ZP2: variants seen among roughly 807,000 people sequenced by gnomAD.
ZP2 encodes zona pellucida glycoprotein 2, also known as zona pellucida sperm-binding protein 2.
ZP2 carries 51 observed loss-of-function variants against 84.0 expected under a neutral mutation model. The ratio of observed to expected loss-of-function variants is 0.61; its 90% CI spans 0.49 to 0.77. ZP2 has a LOEUF of 0.77. Among genes scored for constraint, ZP2 ranks in the 30% least tolerant of loss-of-function variants. The pLI, the probability that ZP2 is intolerant of heterozygous loss-of-function variation, is 0.00. For missense variants in ZP2, 909 were observed against 911.9 expected (o/e 1.00, Z 0.04); for synonymous variants, 375 against 330.9 (o/e 1.13, Z -1.45).
rs1281921856 is a variant in ZP2 at position 21,204,222 on chromosome 16, TG to T, written c.791-12del. On this transcript the variant is annotated splice_polypyrimidine_tract_variant and intron_variant, in intron 8 of 18. Transcript: ENST00000574091. ...TGCAGGTCACAGGATCTAGAAGGAA[TG>T]ACAACAGAATGCCCATTACCAGCCT... 1.2e-6 allele frequency: 2 copies of T among 1,613,946 alleles called. No individual in the cohort carries two copies. Among genetic ancestry groups the T allele is most frequent in the Middle Eastern group, 1.6e-4 (1 of 6,084 alleles).
intron 14 of ZP2, among the ~76,000 whole-genome samples, chr16:21,201,000 A>C (rs943382406): frequency 6.6e-6 from 1 of 152,156 alleles, no homozygotes; most frequent in Non-Finnish European, 1.5e-5. Context: ...GGAGTTCGAG[A>C]CCAGCCTGGC....
chr16:21,202,312 A>G, intron 10 of ZP2, 21 bp from the exon 11 acceptor site: 2 of 1,487,704 alleles, frequency 1.3e-6, no homozygotes, highest in South Asian at 1.5e-5. Flanking sequence ...GTGAAAGTTT[A>G]GAGAAAATAA....
In ZP2 at chr16:21,203,939, C is replaced by T. The variant is rs149327452; in HGVS notation, c.972+91G>A. ...CTGTTATGTTGGCAATTAGAGCTCA[C>T]GGGCAAGTTATCAGCCGTATGAGGA... On this transcript the variant is annotated intron_variant, in intron 9 of 18. Transcript: ENST00000574091. 1,037 of 1,431,100 alleles carry T rather than the reference C, an allele frequency of 7.2e-4. 2 individuals carry two copies. In the African/African-American group the frequency reaches 1.0e-2, roughly 14 times the overall value. The allele number at this position is 1,431,100 out of a possible 1,614,324, so 88.7% of individuals were successfully genotyped here. A position where few individuals can be genotyped will look rare whatever the true frequency, so the allele number is the denominator to read the frequency against.
chr16:21,202,911 G>A (rs940852248), intron 10 of ZP2, among the ~76,000 whole-genome samples: 1 of 152,086 alleles, frequency 6.6e-6, no homozygotes, highest in Non-Finnish European at 1.5e-5. Context: ...TTTAACCATG[G>A]AGCAGTTGCC....
At chr16:21,209,781 C>T in intron 3 of ZP2, 56 bp from the exon 4 acceptor site, 1 of 1,503,424 alleles carries the variant, frequency 6.7e-7, no homozygotes, top group Non-Finnish European at 9.3e-7. Context: ...AGTGACAGTC[C>T]AAAGCTATAG....
chr16:21,201,803 C>T lies in ZP2; in HGVS notation c.1407G>A (p.Arg469=), dbSNP rs368803645. The part of the protein sequence containing the change: ...FRMTVKCSYS[R]NDMLLNINVE... ...CGTTGATGTTTAGTAGCATGTCATT[C>T]CTGCTATAAGAACACTTCACTGTCA... The change falls in exon 13 of 19, where the codon AGG becomes AGA. Residue 469 remains arginine (R), a synonymous_variant. Coordinates refer to ENST00000574091, the MANE Select transcript of ZP2 (RefSeq NM_001376232.1). The T allele has an allele frequency of 1.0e-4, 169 of 1,613,934 alleles. No homozygotes were observed. Among genetic ancestry groups the T allele is most frequent in the Non-Finnish European group, 1.4e-4 (167 of 1,180,004 alleles).
At chr16:21,205,834 A>C in intron 5 of ZP2, 59 bp from the exon 6 acceptor site, 1 of 1,571,868 alleles carries the variant, frequency 6.4e-7, no homozygotes. Context: ...TTCCGAATTC[A>C]TGCCAGAAAT....
chr16:21,198,044 T>C (rs1354169087), intron 17 of ZP2, 195 bp from the exon 18 acceptor site: 3 of 547,326 alleles, frequency 5.5e-6, no homozygotes, highest in Non-Finnish European at 3.2e-6. Flanking sequence ...CTAATCTTGC[T>C]AGAAACATAT....
Position 21,204,421 on chromosome 16 carries a change from CAG to C in ZP2, c.694-19_694-18del, listed in dbSNP as rs1491255171. 1.2e-6 allele frequency: 2 copies of C among 1,600,286 alleles called. No individual in the cohort carries two copies. The highest frequency in any genetic ancestry group is 2.2e-5 in the South Asian group (2 of 90,226). ...GTTACCTTGCTAGGGGGAGAAATAA[CAG>C]TGATCTTCAAAAACATTGGTTACTT... On this transcript the variant is annotated intron_variant, in intron 7 of 18. Coordinates refer to ENST00000574091, the MANE Select transcript of ZP2 (RefSeq NM_001376232.1).
upstream of ZP2, chr16:21,211,719 G>A: frequency 1.3e-6 from 2 of 1,507,830 alleles, no homozygotes; most frequent in Non-Finnish European, 1.8e-6. Context: ...ATTCCTGACA[G>A]CTTGCGCCGG....
At chr16:21,212,207 G>A (rs1259847601), upstream of ZP2, among the ~76,000 whole-genome samples, 1 of 152,168 alleles carries the variant, frequency 6.6e-6, no homozygotes, top group Non-Finnish European at 1.5e-5. Context: ...GATTACAGGC[G>A]TGAGCCATTG....
rs1469217540 is a variant in ZP2, at chr16:21,206,846, A to T, written c.475T>A (p.Phe159Ile). The T allele has an allele frequency of 6.2e-7, 1 of 1,614,124 alleles. No individual in the cohort carries two copies. The highest frequency in any genetic ancestry group is 8.5e-7 in the Non-Finnish European group (1 of 1,179,992). Residue 159 changes from phenylalanine (F) to isoleucine (I), a missense_variant, in exon 5 of 19, where the codon TTC (phenylalanine) becomes ATC (isoleucine). Transcript: ENST00000574091. ...CAGCCCGTTTCACTCACAGACATGA[A>T]ATCCTTCTGGCAGATTGTAGATGCT... Reference protein sequence around the residue: ...LSASTICQKDFMSFSLPRVFS... With the variant: ...LSASTICQKDIMSFSLPRVFS...
At position 21,204,228 on chromosome 16, in the gene ZP2, C is replaced by T; in HGVS notation, c.791-17G>A. On this transcript the variant is annotated splice_polypyrimidine_tract_variant and intron_variant, in intron 8 of 18. Coordinates refer to ENST00000574091, the MANE Select transcript of ZP2 (RefSeq NM_001376232.1). ...TCACAGGATCTAGAAGGAATGACAA[C>T]AGAATGCCCATTACCAGCCTTGATT... The T allele has an allele frequency of 6.2e-7, 1 of 1,614,048 alleles. No individual in the cohort carries two copies. The highest frequency in any genetic ancestry group is 8.5e-7 in the Non-Finnish European group (1 of 1,179,948).
chr16:21,197,603 C>T lies in ZP2; in HGVS notation c.2115G>A (p.Gly705=). ...AACCAACATCTCCAGCAGTCTTGTG[C>T]CCTTTGGTGTCCATAGCACCTACAA... ...VGSRGAMDTK[G]HKTAGDVGSK... Residue 705 remains glycine (G), a synonymous_variant, in exon 19 of 19, where the codon GGG becomes GGA. Transcript: ENST00000574091. 2.5e-6 allele frequency: 4 copies of T among 1,614,188 alleles called. No individual in the cohort carries two copies. The highest frequency in any genetic ancestry group is 3.4e-6 in the Non-Finnish European group (4 of 1,180,034).
rs767491085 is a variant in ZP2 at position 21,209,643 on chromosome 16, A to G, written c.318T>C (p.Cys106=). 28 of 1,613,976 alleles carry G rather than the reference A, an allele frequency of 1.7e-5. No individual in the cohort carries two copies. Among genetic ancestry groups the G allele is most frequent in the Non-Finnish European group, 2.3e-5 (27 of 1,179,956 alleles). Residue 106 remains cysteine (C), a synonymous_variant, in exon 4 of 19, where the codon TGT becomes TGC. Coordinates refer to ENST00000574091, the MANE Select transcript of ZP2 (RefSeq NM_001376232.1). Reference sequence around the variant, plus strand: ...AGCAATGACTTACCACTCTCCTGGTACAGTTATCATAGGTAGCCCTCAGGG... The same window carrying G: ...AGCAATGACTTACCACTCTCCTGGTGCAGTTATCATAGGTAGCCCTCAGGG... The part of the protein sequence containing the change: ...KLTLRATYDN[C]TRRVHGGHQM...
At position 21,199,580 on chromosome 16, in the gene ZP2, C is replaced by T. The variant is rs777356813; in HGVS notation, c.1917G>A (p.Arg639=). 1.2e-6 allele frequency: 2 copies of T among 1,603,536 alleles called. No individual in the cohort carries two copies. The highest frequency in any genetic ancestry group is 1.7e-4 in the Middle Eastern group (1 of 5,978). ...ATTTGAAGTTTTTACCTCGCCTGTG[C>T]CTAGAGGACACAGGGCAGGTCACAG... ...LCSVTCPVSS[R]HRRATGATEA... The change falls in exon 16 of 19, where the codon AGG becomes AGA. Residue 639 remains arginine, a synonymous_variant. Transcript: ENST00000574091.
upstream of ZP2, chr16:21,211,824 G>T: frequency 7.3e-7 from 1 of 1,370,364 alleles, no homozygotes; most frequent in Non-Finnish European, 9.5e-7. Context: ...TATAACTATG[G>T]GGGAAATTAG....
intron 6 of ZP2, 64 bp from the exon 7 acceptor site, chr16:21,205,648 C>T (rs759724188): frequency 3.7e-6 from 6 of 1,611,996 alleles, no homozygotes; most frequent in Admixed American, 3.3e-5. Flanking sequence ...GGTAGTCTAA[C>T]AATTTATCAG....
chr16:21,210,671 T>G (rs2093270566), intron 2 of ZP2, among the ~76,000 whole-genome samples: 1 of 151,934 alleles, frequency 6.6e-6, no homozygotes, highest in Non-Finnish European at 1.5e-5. Context: ...GCCTCCCAGG[T>G]TCAAGCGATT....
Sources: allele counts gnomAD v4.1 joint callset (sites outside exome capture counted in the v4.1 genomes callset), GRCh38; gene constraint gnomAD v4.1.1; transcripts MANE v1.5; gene names NCBI Gene and HGNC (gene_info 2026-07-23, HGNC 2026-07-21).